The following PSMD8 variants were observed in gnomAD, a reference collection of about 807,000 sequenced individuals.
The protein encoded by PSMD8 is proteasome 26S subunit, non-ATPase 8, also known as 26S proteasome non-ATPase regulatory subunit 8.
In PSMD8, 30 loss-of-function variants were observed where a neutral mutation model predicts 40.0. That is an observed-to-expected ratio of 0.75 (90% CI 0.56 to 1.02). PSMD8 has a LOEUF of 1.02. PSMD8 is among the 50% of genes least tolerant of loss of function. The pLI, the probability that PSMD8 is intolerant of heterozygous loss-of-function variation, is 0.00. For synonymous variants in PSMD8, 208 were observed against 192.5 expected (o/e 1.08, Z -0.67); for missense variants, 461 against 463.9 (o/e 0.99, Z 0.06).
chr19:38,375,449 C>A, intron 1 of PSMD8: 1 of 188,566 alleles, frequency 5.3e-6, no homozygotes. Flanking sequence ...TGGTGGATTC[C>A]AGGCAAGACC....
In PSMD8 at chr19:38,375,099, G is replaced by T. The variant is rs867869395; in HGVS notation, c.360+138G>T. The T allele has an allele frequency of 2.9e-5, 40 of 1,393,876 alleles. No individual in the cohort carries two copies. The Middle Eastern group carries it at 9.8e-4, about 34-fold the overall frequency. The allele number at this position is 1,393,876 out of a possible 1,614,324, so 86.3% of individuals were successfully genotyped here. A position where few individuals can be genotyped will look rare whatever the true frequency, so the allele number is the denominator to read the frequency against. ...GAGGCGGGCTGGGGGATCCGATGGG[G>T]TGAAAGATTTGGAACAGCCAAAGTG... On this transcript the variant is annotated intron_variant, in intron 1 of 6. Coordinates refer to ENST00000215071, the MANE Select transcript of PSMD8 (RefSeq NM_002812.5).
chr19:38,376,216 G>A lies in PSMD8; in HGVS notation c.417G>A (p.Gln139=), dbSNP rs1600495766. The A allele has an allele frequency of 6.2e-7, 1 of 1,605,074 alleles. No individual in the cohort carries two copies. The highest frequency in any genetic ancestry group is 8.5e-7 in the Non-Finnish European group (1 of 1,175,454). ...CCACAGGGACCAAGCTGACCAAACA[G>A]CAGCTAATTCTGGCCCGTGAGTGTC... ...LPTTGTKLTK[Q]QLILARDILE... Residue 139 remains glutamine (Q), a synonymous_variant, in exon 2 of 7, where the codon CAG becomes CAA. Coordinates refer to ENST00000215071, the MANE Select transcript of PSMD8 (RefSeq NM_002812.5).
intron 6 of PSMD8, chr19:38,382,733 C>G (rs1017920617): frequency 1.1e-5 from 2 of 189,860 alleles, no homozygotes; most frequent in Non-Finnish European, 2.2e-5. Context: ...ATGGTGAAAC[C>G]TCATCTCTAC....
At chr19:38,378,722 G>C (rs1178006160) in intron 3 of PSMD8, among the ~76,000 whole-genome samples, 1 of 151,512 alleles carries the variant, frequency 6.6e-6, no homozygotes, top group East Asian at 1.9e-4. Context: ...GGGAGGCCGA[G>C]GTGGGTGGAT....
At chr19:38,375,259 A>G (rs953430983) in intron 1 of PSMD8, 2 of 409,914 alleles carry the variant, frequency 4.9e-6, no homozygotes, top group African/African-American at 2.1e-5. Context: ...CCTGAGCAAC[A>G]TAGCGAGACT....
chr19:38,382,653 T>C (rs896257946), intron 6 of PSMD8: 1 of 292,950 alleles, frequency 3.4e-6, no homozygotes, highest in African/African-American at 2.2e-5. Context: ...TCCTCCCACC[T>C]AGGCTCACTC....
chr19:38,379,498 A>G lies in PSMD8; in HGVS notation c.702+93A>G. Reference sequence around the variant, plus strand: ...TTTCCTGAAGGAGTGGCCAGGGTTCACCCATCTTTCCACCCACGGACCCAT... The same window carrying G: ...TTTCCTGAAGGAGTGGCCAGGGTTCGCCCATCTTTCCACCCACGGACCCAT... On this transcript the variant is annotated intron_variant, in intron 4 of 6. Coordinates refer to ENST00000215071, the MANE Select transcript of PSMD8 (RefSeq NM_002812.5). The G allele has an allele frequency of 2.1e-6, 3 of 1,396,368 alleles. 1 individual carries two copies. The highest frequency in any genetic ancestry group is 2.5e-5 in the South Asian group (2 of 78,676). The allele number at this position is 1,396,368 out of a possible 1,614,324, so 86.5% of individuals were successfully genotyped here.
chr19:38,375,508 A>G (rs552042947), intron 1 of PSMD8: 3 of 179,158 alleles, frequency 1.7e-5, no homozygotes, highest in South Asian at 1.9e-4. Flanking sequence ...GAGGCTGAAA[A>G]GGTGGGCTGT....
At chr19:38,382,054 G>T (rs576864432) in intron 5 of PSMD8, 63 bp from the exon 6 acceptor site, 35 of 1,216,026 alleles carry the variant, frequency 2.9e-5, no homozygotes, top group African/African-American at 7.5e-5. Context: ...TGTCAGGTCT[G>T]GGGGGACAGG....
At chr19:38,375,897 G>C (rs373099506) in intron 1 of PSMD8, among the ~76,000 whole-genome samples, 25 of 152,306 alleles carry the variant, frequency 1.6e-4, no homozygotes, top group Non-Finnish European at 2.8e-4. Flanking sequence ...CCACCGCCGC[G>C]TGATTCCACT....
chr19:38,380,707 A>AGAGAGAGAGTGT (rs1555743507), intron 4 of PSMD8, among the ~76,000 whole-genome samples, 192 bp from the exon 5 acceptor site: 23 of 120,946 alleles, frequency 1.9e-4, no homozygotes, highest in African/African-American at 7.2e-4. Flanking sequence ...AGAGAGAGAG[A>AGAGAGAGAGTGT]GTGTGTGTGT....
rs752196497 is a variant in PSMD8, at chr19:38,383,242, C to T, written c.916-11C>T. 9.9e-6 allele frequency: 16 copies of T among 1,612,216 alleles called. No individual in the cohort carries two copies. Among genetic ancestry groups the T allele is most frequent in the Middle Eastern group, 2.1e-4 (1 of 4,784 alleles). On this transcript the variant is annotated splice_polypyrimidine_tract_variant and intron_variant, in intron 6 of 6. Transcript: ENST00000215071. ...TCACTCTACTCGTCTCTAATCCCTC[C>T]TTTCCTGCAGCGAGGGTGGGTCCTG...
intron 4 of PSMD8, among the ~76,000 whole-genome samples, chr19:38,380,062 T>C (rs979812056): frequency 3.3e-5 from 5 of 151,852 alleles, no homozygotes; most frequent in Admixed American, 2.0e-4. Context: ...CCGAGGCGGG[T>C]GGATCACCTG....
At chr19:38,377,163 C>T (rs1001307795) in intron 3 of PSMD8, among the ~76,000 whole-genome samples, 1 of 152,222 alleles carries the variant, frequency 6.6e-6, no homozygotes, top group African/African-American at 2.4e-5. Context: ...CTCAGTTTCC[C>T]TGTTAAAGTA....
Position 38,382,057 on chromosome 19 carries a change from G to A in PSMD8, c.804-60G>A, listed in dbSNP as rs186477752. ...AGAGCTGACACATGTCAGGTCTGGG[G>A]GGACAGGTCCTGGGAGGTTGTTGAT... On this transcript the variant is annotated intron_variant, in intron 5 of 6. Transcript: ENST00000215071. The A allele has an allele frequency of 1.2e-3, 1,566 of 1,257,694 alleles. 5 individuals carry two copies. Among genetic ancestry groups the A allele is most frequent in the Non-Finnish European group, 1.6e-3 (1,427 of 882,340 alleles). 77.9% of individuals were successfully genotyped at this position (1,257,694 alleles called of 1,614,324 possible).
intron 3 of PSMD8, among the ~76,000 whole-genome samples, chr19:38,378,554 T>G (rs1970615455): frequency 6.7e-6 from 1 of 148,304 alleles, no homozygotes; most frequent in Non-Finnish European, 1.5e-5. Context: ...TGTGCACTTG[T>G]AGTCCCAGCT....
intron 1 of PSMD8, chr19:38,375,280 A>AT (rs1466282460): frequency 3.0e-3 from 884 of 290,528 alleles, no homozygotes; most frequent in Middle Eastern, 7.1e-3. Context: ...CTGTCTCTAC[A>AT]TTTTTTTTTT....
Position 38,383,277 on chromosome 19 carries a change from A to C in PSMD8, c.940A>C (p.Asn314His). The C allele has an allele frequency of 6.2e-7, 1 of 1,613,106 alleles. No individual in the cohort carries two copies. Among genetic ancestry groups the C allele is most frequent in the East Asian group, 2.2e-5 (1 of 44,882 alleles). The change falls in exon 7 of 7, where the codon AAC (asparagine) becomes CAC (histidine). Residue 314 changes from asparagine (N) to histidine (H), a missense_variant. This residue lies in a region of PSMD8 where 236 missense variants were observed against 321.2 expected (regional missense o/e 0.73). Transcript: ENST00000215071. Reference protein sequence around the residue: ...KKRGWVLGPNNYYSFASQQQK... With the variant: ...KKRGWVLGPNHYYSFASQQQK... The stretch of plus-strand genomic sequence containing the variant: ...GCGAGGGTGGGTCCTGGGCCCCAAC[A>C]ACTACTACAGTTTTGCCAGCCAGCA...
At chr19:38,382,929 A>G (rs1970654913) in intron 6 of PSMD8, 1 of 275,462 alleles carries the variant, frequency 3.6e-6, no homozygotes, top group Non-Finnish European at 7.0e-6. Context: ...AAAAAAAAAA[A>G]AGAAGAAGGT....
Sources: gnomAD v4.1 joint callset for allele counts (sites outside exome capture counted in the v4.1 genomes callset) on GRCh38, gnomAD v4.1.1 for gene constraint, gnomAD v4.1.1 regional missense constraint, MANE v1.5 for transcripts, NCBI Gene and HGNC (gene_info 2026-07-23, HGNC 2026-07-21) for gene names.